The following GRAMD1B variants were observed in gnomAD, a reference collection of about 807,000 sequenced individuals.
GRAMD1B encodes GRAM domain containing 1B.
In GRAMD1B, 37 loss-of-function variants were observed where a neutral mutation model predicts 99.7. That is an observed-to-expected ratio of 0.37 (90% CI 0.29 to 0.49). The LOEUF (loss-of-function observed/expected upper bound fraction) is 0.49, where lower values mean the gene tolerates loss of function less well. Ranked by LOEUF, GRAMD1B falls within the 20% of genes least tolerant of loss-of-function variation. The pLI is 0.98. For synonymous variants in GRAMD1B, 427 were observed against 387.6 expected (o/e 1.10, Z -1.19); for missense variants, 888 against 1,009.2 (o/e 0.88, Z 1.63).
chr11:123,501,721 T>A (rs570865141), intron 2 of GRAMD1B, among the ~76,000 whole-genome samples: 5 of 152,330 alleles, frequency 3.3e-5, no homozygotes, highest in African/African-American at 9.6e-5. Context: ...GAGACCCCAA[T>A]GCTTCTGAAT....
chr11:123,393,628 T>C (rs1049198336), intron 1 of GRAMD1B, among the ~76,000 whole-genome samples: 4 of 152,244 alleles, frequency 2.6e-5, no homozygotes, highest in Admixed American at 2.6e-4. Flanking sequence ...GTTAGCTGCC[T>C]TCTCCCAGAA....
rs750680684 is a variant in GRAMD1B, at chr11:123,554,525, C to CAA, written c.453-22823_453-22822dup. ...GCAACATAGGGAGACCCCATCTTTACAAAAAAAAAAAAAAAAAAAAGAAAG... is the reference window on the plus strand; with the variant it reads ...GCAACATAGGGAGACCCCATCTTTACAAAAAAAAAAAAAAAAAAAAAAGAAAG... On this transcript the variant is annotated intron_variant, in intron 2 of 19. Coordinates refer to ENST00000635736, the MANE Select transcript of GRAMD1B (RefSeq NM_001387025.1). Among the ~76,000 whole-genome samples, 617 of 86,480 alleles carry CAA rather than the reference C, an allele frequency of 7.1e-3. 9 individuals are homozygous for CAA. Among genetic ancestry groups the CAA allele is most frequent in the Middle Eastern group, 0.025 (3 of 122 alleles). The allele number at this position is 86,480 out of a possible 152,430, so 56.7% of individuals were successfully genotyped here.
At chr11:123,611,710 GA>G (rs1953601023) in intron 14 of GRAMD1B, among the ~76,000 whole-genome samples, 1 of 152,188 alleles carries the variant, frequency 6.6e-6, no homozygotes, top group Non-Finnish European at 1.5e-5. Context: ...ACCATTATAG[GA>G]AGGTGCCCAT....
chr11:123,403,870 C>T (rs1565477029), intron 1 of GRAMD1B, among the ~76,000 whole-genome samples: 1 of 152,116 alleles, frequency 6.6e-6, no homozygotes, highest in Non-Finnish European at 1.5e-5. Flanking sequence ...TATCACCCAA[C>T]CGTGACTCTC....
At chr11:123,424,740 A>C (rs1051444828) in intron 1 of GRAMD1B, among the ~76,000 whole-genome samples, 1 of 152,114 alleles carries the variant, frequency 6.6e-6, no homozygotes, top group Non-Finnish European at 1.5e-5. Context: ...CTCTAGTTAA[A>C]ATTTATCAAT....
At chr11:123,419,736 TGTGTGTGTGTGA>T (rs1948360197) in intron 1 of GRAMD1B, among the ~76,000 whole-genome samples, 1 of 111,506 alleles carries the variant, frequency 9.0e-6, no homozygotes, top group Non-Finnish European at 1.9e-5. Flanking sequence ...TGTGTGTGTG[TGTGTGTGTGTGA>T]ATGAGAAAGA....
At chr11:123,619,428 G>A in intron 19 of GRAMD1B, 1 of 1,387,624 alleles carries the variant, frequency 7.2e-7, no homozygotes. Flanking sequence ...TAAAAAATAA[G>A]AACAATAAAA....
rs1307680803 is a variant in GRAMD1B at position 123,614,761 on chromosome 11, G to A, written c.2244G>A (p.Arg748=). 3 of 1,610,016 alleles carry A rather than the reference G, an allele frequency of 1.9e-6. No individual in the cohort carries two copies. The South Asian group carries it at 3.3e-5, about 18-fold the overall frequency. ...IKHVAGSTQT[R]HIPEDTPNGF... ...TCCCCACAGGTTCCACACAGACGCG[G>A]CATATCCCGGAGGACACCCCCAACG... Residue 748 remains arginine (R), a synonymous_variant, in exon 17 of 20, where the codon CGG becomes CGA. Transcript: ENST00000635736.
intron 2 of GRAMD1B, among the ~76,000 whole-genome samples, chr11:123,501,541 G>A (rs1939859344): frequency 6.6e-6 from 1 of 152,152 alleles, no homozygotes; most frequent in Admixed American, 6.5e-5. Flanking sequence ...CAAGGCACTG[G>A]GGACCCTGTG....
intron 17 of GRAMD1B, among the ~76,000 whole-genome samples, chr11:123,615,747 CT>C (rs1954285250): frequency 6.6e-6 from 1 of 152,248 alleles, no homozygotes; most frequent in South Asian, 2.1e-4. Context: ...CAGATTTCTG[CT>C]GATGTGGTCC....
intron 1 of GRAMD1B, among the ~76,000 whole-genome samples, chr11:123,468,465 G>A (rs1050278586): frequency 2.0e-5 from 3 of 152,058 alleles, no homozygotes; most frequent in African/African-American, 4.8e-5. Flanking sequence ...ATCATTAATC[G>A]CTGCATCCCA....
intron 2 of GRAMD1B, among the ~76,000 whole-genome samples, chr11:123,576,815 C>G (rs147863692): frequency 8.7e-4 from 133 of 152,312 alleles, no homozygotes; most frequent in African/African-American, 2.9e-3. Flanking sequence ...AGGCACTGGT[C>G]TTCATTTTTT....
At chr11:123,509,327 G>C (rs1006204619) in intron 2 of GRAMD1B, among the ~76,000 whole-genome samples, 1 of 152,240 alleles carries the variant, frequency 6.6e-6, no homozygotes, top group Non-Finnish European at 1.5e-5. Flanking sequence ...CCTAACAGAA[G>C]ATAGGTTAGC....
intron 1 of GRAMD1B, among the ~76,000 whole-genome samples, chr11:123,468,194 T>C (rs1400908278): frequency 6.6e-6 from 1 of 152,082 alleles, no homozygotes; most frequent in Non-Finnish European, 1.5e-5. Context: ...GTTCAAAAAG[T>C]ATGCACAAGG....
intron 2 of GRAMD1B, among the ~76,000 whole-genome samples, chr11:123,553,448 A>G (rs1945827733): frequency 6.6e-6 from 1 of 152,240 alleles, no homozygotes; most frequent in East Asian, 1.9e-4. Flanking sequence ...GTACATGATA[A>G]AATTTTACTT....
chr11:123,393,449 G>A (rs1947349541), intron 1 of GRAMD1B, among the ~76,000 whole-genome samples: 1 of 152,218 alleles, frequency 6.6e-6, no homozygotes. Flanking sequence ...AGGAGGTTGT[G>A]CTTAGATGGC....
rs1168236479 is a variant in GRAMD1B at position 123,610,249 on chromosome 11, C to T, written c.1830C>T (p.Val610=). 1.2e-5 allele frequency: 20 copies of T among 1,613,732 alleles called. No individual in the cohort carries two copies. Among genetic ancestry groups the T allele is most frequent in the Middle Eastern group, 1.6e-4 (1 of 6,062 alleles). ...AATGTTACGTGATAGATGCCGAAGTCCTCACCCACGACGTGCCCTACCATG... is the reference window on the plus strand; with the variant it reads ...AATGTTACGTGATAGATGCCGAAGTTCTCACCCACGACGTGCCCTACCATG... ...ESECYVIDAE[V]LTHDVPYHDY... is the part of the protein sequence containing the mutation. The change falls in exon 14 of 20, where the codon GTC becomes GTT. Residue 610 remains valine, a synonymous_variant. Transcript: ENST00000635736. This position sits in a 1 kb window ranked among gnomAD's most constrained non-coding sequence, Gnocchi z 4.1.
intron 19 of GRAMD1B, among the ~76,000 whole-genome samples, chr11:123,620,377 G>A (rs576577104): frequency 7.7e-4 from 112 of 146,316 alleles, no homozygotes; most frequent in African/African-American, 2.7e-3. Flanking sequence ...GGGAGGCTAA[G>A]GCAGGAGAAT....
chr11:123,383,087 G>C (rs1946938560), intron 1 of GRAMD1B, among the ~76,000 whole-genome samples: 1 of 152,178 alleles, frequency 6.6e-6, no homozygotes, highest in Non-Finnish European at 1.5e-5. Flanking sequence ...ATGCAGAGTG[G>C]ATCCAGAGTT....
Sources: gnomAD v4.1 joint callset for allele counts (sites outside exome capture counted in the v4.1 genomes callset) on GRCh38, gnomAD v4.1.1 for gene constraint, Gnocchi (gnomAD v3.1) non-coding constraint, MANE v1.5 for transcripts, NCBI Gene and HGNC (gene_info 2026-07-23, HGNC 2026-07-21) for gene names.